The following USP24 variants were observed in gnomAD, a reference collection of about 807,000 sequenced individuals.
USP24 encodes ubiquitin specific peptidase 24.
USP24 carries 97 observed loss-of-function variants against 361.6 expected under a neutral mutation model. The ratio of observed to expected loss-of-function variants is 0.27; its 90% CI spans 0.23 to 0.32. The LOEUF (loss-of-function observed/expected upper bound fraction) is 0.32. Ranked by LOEUF, USP24 falls within the 10% of genes least tolerant of loss-of-function variation. The pLI, the probability that USP24 is intolerant of heterozygous loss-of-function variation, is 1.00. For synonymous variants in USP24, 1,098 were observed against 1,124.6 expected (o/e 0.98, Z 0.47); for missense variants, 2,353 against 3,165.6 (o/e 0.74, Z 6.16).
In USP24 at chr1:55,120,724, A is replaced by G. The variant is rs765329538; in HGVS notation, c.4380T>C (p.Thr1460=). ...GCGCTGATGTGTCTGTCTGACTAAG[A>G]GTGTACAGCTGATCACAGGCAACCC... ...IRRVACDQLY[T]LSQTDTSAHP... Residue 1460 remains threonine, a synonymous_variant, in exon 38 of 68, where the codon ACT becomes ACC. Transcript: ENST00000294383. The G allele has an allele frequency of 9.5e-6, 15 of 1,575,036 alleles. No homozygotes were observed. The highest frequency in any genetic ancestry group is 1.2e-5 in the Non-Finnish European group (14 of 1,159,662).
chr1:55,089,714 G>A lies in USP24; in HGVS notation c.6581C>T (p.Thr2194Ile), dbSNP rs762048042. The change falls in exon 55 of 68, where the codon ACC becomes ATC. Residue 2194 changes from threonine (T) to isoleucine (I), a missense_variant. Physicochemically the swap from Thr to Ile is moderately conservative, Grantham distance 89. This residue lies in a region of USP24 where 598 missense variants were observed against 761.9 expected (regional missense o/e 0.78). Coordinates refer to ENST00000294383, the MANE Select transcript of USP24 (RefSeq NM_015306.3). The stretch of plus-strand genomic sequence containing the variant: ...ACTTTTTGAAAGCAATGCTTCAATG[G>A]TAGCAATCCATTCTTCAGTATCAAC... The part of the protein sequence containing the change: ...LRVDTEEWIA[T>I]IEALLSKSFD... The A allele has an allele frequency of 6.2e-7, 1 of 1,601,264 alleles. No homozygotes were observed.
At chr1:55,211,093 T>G (rs1367555164) in intron 1 of USP24, among the ~76,000 whole-genome samples, 1 of 152,204 alleles carries the variant, frequency 6.6e-6, no homozygotes, top group African/African-American at 2.4e-5. Flanking sequence ...CTGGAGAGAT[T>G]ACAAAGGCCC....
chr1:55,089,502 G>T (rs1645327591), intron 55 of USP24, 125 bp downstream of exon 55: 1 of 686,308 alleles, frequency 1.5e-6, no homozygotes, highest in Admixed American at 3.0e-5. Flanking sequence ...AGTGAAGAGA[G>T]TTTAAAATAG....
intron 16 of USP24, chr1:55,151,765 T>C (rs1051995304): frequency 4.5e-6 from 2 of 443,854 alleles, no homozygotes; most frequent in Admixed American, 6.4e-5. Context: ...AGAAATAAAG[T>C]TAGGAAATCA....
chr1:55,114,051 G>C (rs1272946004), intron 38 of USP24, among the ~76,000 whole-genome samples: 1 of 152,162 alleles, frequency 6.6e-6, no homozygotes, highest in Non-Finnish European at 1.5e-5. Flanking sequence ...AGCAACTTCA[G>C]CAAAGTCTCA....
At chr1:55,083,962 G>A in intron 56 of USP24, 74 bp from the exon 57 acceptor site, 2 of 1,173,480 alleles carry the variant, frequency 1.7e-6, no homozygotes, top group South Asian at 1.4e-5. Context: ...ATTAATTTGA[G>A]GTAAACCACC....
At chr1:55,141,518 TGAG>T in intron 24 of USP24, 95 bp downstream of exon 24, 1 of 1,071,818 alleles carries the variant, frequency 9.3e-7, no homozygotes, top group Non-Finnish European at 1.4e-6. Context: ...TGATATAAAA[TGAG>T]GAAATCAATA....
At chr1:55,181,037 G>A (rs575827207) in intron 1 of USP24, among the ~76,000 whole-genome samples, 9 of 150,376 alleles carry the variant, frequency 6.0e-5, no homozygotes, top group Non-Finnish European at 1.2e-4. Context: ...TGCCTAATAC[G>A]CACACTAGTT....
At chr1:55,111,654 G>T (rs1003291212) in intron 38 of USP24, among the ~76,000 whole-genome samples, 4 of 152,004 alleles carry the variant, frequency 2.6e-5, no homozygotes, top group Admixed American at 1.3e-4. Context: ...TATCACTAAA[G>T]AATTATTTTT....
rs530929736 is a variant in USP24 at position 55,087,388 on chromosome 1, ATATT to A, written c.6669-1354_6669-1351del. Among the ~76,000 whole-genome samples, 92 of 152,326 alleles carry A rather than the reference ATATT, an allele frequency of 6.0e-4. 1 individual carries two copies. In the South Asian group the frequency reaches 0.019, roughly 32 times the overall value. The stretch of plus-strand genomic sequence containing the variant: ...AAAGGACGTTACAGTTTCTCTGGAG[ATATT>A]TAAAAGCAAGTCTGCTTGGACATAA... On this transcript the variant is annotated intron_variant, in intron 55 of 67. Coordinates refer to ENST00000294383, the MANE Select transcript of USP24 (RefSeq NM_015306.3).
intron 1 of USP24, among the ~76,000 whole-genome samples, chr1:55,212,879 T>C (rs1644882315): frequency 6.6e-6 from 1 of 152,224 alleles, no homozygotes; most frequent in South Asian, 2.1e-4. Context: ...TTATGGATTT[T>C]AATTTACCGC....
In USP24 at chr1:55,069,101, C is replaced by T. The variant is rs1644867835; in HGVS notation, c.7807G>A (p.Glu2603Lys). The T allele has an allele frequency of 6.2e-7, 1 of 1,613,858 alleles. No homozygotes were observed. Among genetic ancestry groups the T allele is most frequent in the Admixed American group, 1.7e-5 (1 of 60,000 alleles). The change falls in exon 68 of 68, where the codon GAA (glutamate) becomes AAA (lysine). Residue 2603 changes from glutamate (E) to lysine (K), a missense_variant. Coordinates refer to ENST00000294383, the MANE Select transcript of USP24 (RefSeq NM_015306.3). ...AACTCACCAATCATCATGGGAGATT[C>T]TGAACCCTGCAGAAAAGAAAAGGAA... ...NGDRHLQQGS[E>K]SPMMIGELRS... is the part of the protein sequence containing the mutation.
Position 55,215,074 on chromosome 1 carries a change from A to C in USP24, c.40T>G (p.Cys14Gly). 7.1e-7 allele frequency: 1 copy of C among 1,417,414 alleles called. No individual in the cohort carries two copies. Among genetic ancestry groups the C allele is most frequent in the Non-Finnish European group, 9.3e-7 (1 of 1,079,924 alleles). The allele number at this position is 1,417,414 out of a possible 1,614,324, so 87.8% of individuals were successfully genotyped here. ...EEEQHMTTLLCMGFSDPATIR... is the reference protein window; with the variant it reads ...EEEQHMTTLLGMGFSDPATIR... ...GTGGCGGGGTCTGAGAAGCCCATGCACAGCAGCGTGGTCATGTGCTGCTCC... is the reference window on the plus strand; with the variant it reads ...GTGGCGGGGTCTGAGAAGCCCATGCCCAGCAGCGTGGTCATGTGCTGCTCC... The change falls in exon 1 of 68, where the codon TGC becomes GGC. Residue 14 changes from cysteine to glycine, a missense_variant. By Grantham distance (159) the Cys-to-Gly change is radical. Around this residue, in one of 8 missense-constraint regions of USP24, gnomAD observed 253 missense variants for 255.3 expected, o/e 0.99. Coordinates refer to ENST00000294383, the MANE Select transcript of USP24 (RefSeq NM_015306.3).
intron 38 of USP24, among the ~76,000 whole-genome samples, chr1:55,111,800 C>A (rs1645962465): frequency 6.6e-6 from 1 of 152,044 alleles, no homozygotes; most frequent in African/African-American, 2.4e-5. Flanking sequence ...AAACCAAAAT[C>A]TTGACTTCTT....
At chr1:55,076,013 A>G (rs1645024956) in intron 62 of USP24, among the ~76,000 whole-genome samples, 1 of 152,136 alleles carries the variant, frequency 6.6e-6, no homozygotes, top group South Asian at 2.1e-4. Flanking sequence ...CAAATATTAC[A>G]CGGCTGCCAC....
intron 5 of USP24, among the ~76,000 whole-genome samples, chr1:55,169,320 G>C (rs1439431207): frequency 1.3e-5 from 2 of 152,036 alleles, no homozygotes; most frequent in African/African-American, 4.8e-5. Context: ...AAGGTGTTAA[G>C]GGTCACAGAG....
rs1645499666 is a variant in USP24 at position 55,096,500 on chromosome 1, T to C, written c.6059A>G (p.Gln2020Arg). 1 of 1,570,682 alleles carries C rather than the reference T, an allele frequency of 6.4e-7. No homozygotes were observed. Among genetic ancestry groups the C allele is most frequent in the East Asian group, 2.3e-5 (1 of 43,666 alleles). The change falls in exon 50 of 68, where the codon CAA becomes CGA. Residue 2020 changes from glutamine to arginine, a missense_variant and splice_region_variant. Gln to Arg is a conservative substitution (Grantham distance 43). Around this residue, in one of 8 missense-constraint regions of USP24, gnomAD observed 598 missense variants for 761.9 expected, o/e 0.78. Transcript: ENST00000294383. The part of the protein sequence containing the change: ...GGEYRPKVYD[Q>R]TNPYTDVRRR... ...AATATCCATTTGTAAATACTTACTT[T>C]GATCATAAACTTTTGGTCTATATTC...
chr1:55,188,393 TAAGA>T (rs764326213), intron 1 of USP24, among the ~76,000 whole-genome samples: 4 of 151,050 alleles, frequency 2.6e-5, no homozygotes, highest in Non-Finnish European at 5.9e-5. Flanking sequence ...AAGTCACCAT[TAAGA>T]AAGTGAAAAA....
At chr1:55,137,409 G>A (rs1248611379) in intron 28 of USP24, 106 bp downstream of exon 28, 44 of 1,313,694 alleles carry the variant, frequency 3.3e-5, no homozygotes, top group Non-Finnish European at 4.5e-5. Context: ...CAACAAGCTT[G>A]AACACTAATG....
Sources: allele counts gnomAD v4.1 joint callset (sites outside exome capture counted in the v4.1 genomes callset), GRCh38; gene constraint gnomAD v4.1.1; regional missense constraint gnomAD v4.1.1; transcripts MANE v1.5; gene names NCBI Gene and HGNC (gene_info 2026-07-23, HGNC 2026-07-21).